The following THRB variants were observed in gnomAD, a reference collection of about 807,000 sequenced individuals.
THRB encodes the protein thyroid hormone receptor beta, also known as nuclear receptor subfamily 1 group A member 2.
THRB carries 12 observed loss-of-function variants against 47.8 expected under a neutral mutation model. The observed-to-expected ratio is 0.25, with a 90% CI of 0.16 to 0.41. The LOEUF is 0.41. Among genes scored for constraint, THRB ranks in the 10% least tolerant of loss-of-function variants. The pLI is 1.00. For synonymous variants in THRB, 218 were observed against 212.2 expected, an observed-to-expected ratio of 1.03 and a Z score of -0.24; for missense variants, 348 against 589.2, an observed-to-expected ratio of 0.59 and a Z score of 4.24.
At chr3:24,364,691 C>T (rs2064328057) in intron 1 of THRB, among the ~76,000 whole-genome samples, 1 of 151,990 alleles carries the variant, frequency 6.6e-6, no homozygotes, top group Non-Finnish European at 1.5e-5. Flanking sequence ...ACACTGTTCT[C>T]TAGGGAAAGG....
At chr3:24,432,583 T>C (rs2070546179) in intron 1 of THRB, among the ~76,000 whole-genome samples, 1 of 152,126 alleles carries the variant, frequency 6.6e-6, no homozygotes, top group African/African-American at 2.4e-5. Flanking sequence ...ATGTAGACAC[T>C]GGGGTGTTGA....
chr3:24,382,826 C>A (rs1184630049), intron 1 of THRB, among the ~76,000 whole-genome samples: 19 of 152,106 alleles, frequency 1.2e-4, no homozygotes, highest in Admixed American at 1.2e-3. Context: ...CATTTTTCCC[C>A]TTTCACTTCT....
intron 5 of THRB, among the ~76,000 whole-genome samples, chr3:24,168,573 G>A (rs936093819): frequency 1.3e-5 from 2 of 150,654 alleles, no homozygotes; most frequent in East Asian, 3.9e-4. Flanking sequence ...TTAGCATCAA[G>A]ATTTTTAAAA....
chr3:24,123,140 G>A lies in THRB; in HGVS notation c.1145-15C>T. On this transcript the variant is annotated splice_polypyrimidine_tract_variant and intron_variant, in intron 10 of 10. Transcript: ENST00000646209. ...CCCCGGGCGATCTGCGGGGAAGAGA[G>A]AAGATGGACATTGATTCAGAGATGG... is the stretch of plus-strand genomic sequence containing the variant. The A allele has an allele frequency of 6.2e-7, 1 of 1,613,988 alleles. No homozygotes were observed. Among genetic ancestry groups the A allele is most frequent in the Non-Finnish European group, 8.5e-7 (1 of 1,179,960 alleles).
intron 1 of THRB, among the ~76,000 whole-genome samples, chr3:24,404,581 CTCAA>C (rs1296799611): frequency 1.3e-5 from 2 of 151,898 alleles, no homozygotes; most frequent in East Asian, 1.9e-4. Flanking sequence ...TGCTGCTCTT[CTCAA>C]TCATTTTTTG....
At chr3:24,284,097 A>T (rs1437365740) in intron 3 of THRB, among the ~76,000 whole-genome samples, 2 of 145,132 alleles carry the variant, frequency 1.4e-5, no homozygotes, top group Non-Finnish European at 3.0e-5. Flanking sequence ...GTTCATATGG[A>T]ACCAAAAAAG....
intron 2 of THRB, among the ~76,000 whole-genome samples, chr3:24,334,797 C>T (rs913014037): frequency 6.6e-6 from 1 of 152,294 alleles, no homozygotes; most frequent in East Asian, 1.9e-4. Context: ...CAGTGTGACC[C>T]TGCAGAACCA....
At position 24,233,563 on chromosome 3, in the gene THRB, G is replaced by GAAAGA. The variant is rs781242438; in HGVS notation, c.-42-4567_-42-4563dup. Among the ~76,000 whole-genome samples, 661 of 77,428 alleles carry GAAAGA rather than the reference G, an allele frequency of 8.5e-3. 19 individuals are homozygous for GAAAGA. The highest frequency in any genetic ancestry group is 0.024 in the African/African-American group (597 of 25,232). 50.8% of individuals were successfully genotyped at this position (77,428 alleles called of 152,430 possible). A position where few individuals can be genotyped will look rare whatever the true frequency, so the allele number is the denominator to read the frequency against. On this transcript the variant is annotated intron_variant, in intron 3 of 10. Coordinates refer to ENST00000646209, the MANE Select transcript of THRB (RefSeq NM_001354712.2). The stretch of plus-strand genomic sequence containing the variant: ...AGAAAGAGAAAGAAAGAAAAAGGAA[G>GAAAGA]AAAGAAAGAAAGAAAGAAAGAAAGA...
At chr3:24,168,489 TAATATA>T (rs957694443) in intron 5 of THRB, among the ~76,000 whole-genome samples, 3 of 114,230 alleles carry the variant, frequency 2.6e-5, no homozygotes, top group Non-Finnish European at 3.8e-5. Context: ...TTTCAATCAA[TAATATA>T]TATATATATA....
chr3:24,270,956 G>T (rs2053256500), intron 3 of THRB, among the ~76,000 whole-genome samples: 1 of 152,092 alleles, frequency 6.6e-6, no homozygotes, highest in Non-Finnish European at 1.5e-5. Flanking sequence ...GGTGTGAAAG[G>T]CTCCCCCCCT....
chr3:24,257,439 A>G (rs770338403), intron 3 of THRB, among the ~76,000 whole-genome samples: 5 of 152,192 alleles, frequency 3.3e-5, no homozygotes, highest in Non-Finnish European at 7.3e-5. Context: ...GATCTTTTTA[A>G]GATCTATAGG....
chr3:24,135,820 C>CATATATATATATATATATATATATAT (rs34338818), intron 8 of THRB, among the ~76,000 whole-genome samples: 4 of 98,464 alleles, frequency 4.1e-5, no homozygotes, highest in Non-Finnish European at 7.6e-5. Flanking sequence ...GGCAGAGAGT[C>CATATATATATATATATATATATATAT]ATATATATAT....
At chr3:24,479,660 T>C (rs576141496) in intron 1 of THRB, among the ~76,000 whole-genome samples, 58 of 152,288 alleles carry the variant, frequency 3.8e-4, no homozygotes, top group African/African-American at 1.3e-3. Flanking sequence ...TGTGGTCAGC[T>C]TAGTGTTCCA....
rs892864603 is a variant in THRB at position 24,120,356 on chromosome 3, G to C, written c.*2528C>G. On this transcript the variant is annotated 3_prime_UTR_variant, in exon 11 of 11. Transcript: ENST00000646209. Reference sequence around the variant, plus strand: ...TCAAACGTTCCTTTACTTGCGGCTGGCTGGATGGCTGTTTATATGCCATAC... The same window carrying C: ...TCAAACGTTCCTTTACTTGCGGCTGCCTGGATGGCTGTTTATATGCCATAC... The C allele has an allele frequency of 2.0e-5, 3 of 152,188 alleles. No individual in the cohort carries two copies. The highest frequency in any genetic ancestry group is 3.8e-4 in the East Asian group (2 of 5,204). The allele number at this position is 152,188 out of a possible 1,614,324, so 9.4% of individuals were successfully genotyped here.
intron 2 of THRB, among the ~76,000 whole-genome samples, chr3:24,310,727 C>T (rs187775881): frequency 1.3e-5 from 2 of 152,202 alleles, no homozygotes; most frequent in East Asian, 3.9e-4. Context: ...GTGATTGTCA[C>T]CATTGGGTAT....
At chr3:24,431,627 T>C (rs1224794481) in intron 1 of THRB, among the ~76,000 whole-genome samples, 1 of 152,138 alleles carries the variant, frequency 6.6e-6, no homozygotes, top group Non-Finnish European at 1.5e-5. Flanking sequence ...CCAGCAATTC[T>C]ACTGCTAGAA....
At chr3:24,495,112 G>T (rs1037736752), upstream of THRB, 1 of 152,296 alleles carries the variant, frequency 6.6e-6, no homozygotes, top group Non-Finnish European at 1.5e-5. Context: ...GCCCCGGCCC[G>T]CTTCCCGGGC....
chr3:24,223,232 T>C (rs561035363), intron 4 of THRB, among the ~76,000 whole-genome samples: 1 of 152,192 alleles, frequency 6.6e-6, no homozygotes, highest in African/African-American at 2.4e-5. Flanking sequence ...GAGTGTTTGG[T>C]GCACAAAGGT....
At chr3:24,155,782 G>A (rs1470661) in intron 5 of THRB, among the ~76,000 whole-genome samples, 25,245 of 152,142 alleles carry the variant, frequency 0.17, 2,281 homozygotes, top group Admixed American at 0.28. Flanking sequence ...TAATGTCAGC[G>A]TTGGATTCTG....
Sources: allele counts gnomAD v4.1 joint callset (sites outside exome capture counted in the v4.1 genomes callset), GRCh38; gene constraint gnomAD v4.1.1; transcripts MANE v1.5; gene names NCBI Gene and HGNC (gene_info 2026-07-23, HGNC 2026-07-21).